The following ADAMTS20 variants were observed in gnomAD, a reference collection of about 807,000 sequenced individuals.
The protein encoded by ADAMTS20 is A disintegrin and metalloproteinase with thrombospondin motifs 20.
Under a neutral mutation model 260.1 loss-of-function variants are expected in ADAMTS20, and 225 were observed. The observed-to-expected ratio is 0.87, with a 90% CI of 0.78 to 0.97. The LOEUF (loss-of-function observed/expected upper bound fraction) is 0.97, where lower values mean the gene tolerates loss of function less well. Ranked by LOEUF, ADAMTS20 falls within the 50% of genes least tolerant of loss-of-function variation. The probability of loss-of-function intolerance (pLI) is 0.00; values close to 1 mark genes in which losing one functional copy is unlikely to be tolerated. For missense variants in ADAMTS20, 2,400 were observed against 2,337.7 expected (o/e 1.03, Z -0.55); for synonymous variants, 802 against 769.5 (o/e 1.04, Z -0.70).
chr12:43,445,991 T>G (rs767948799), intron 15 of ADAMTS20, among the ~76,000 whole-genome samples: 3 of 152,194 alleles, frequency 2.0e-5, no homozygotes, highest in Non-Finnish European at 4.4e-5. Flanking sequence ...TTACATAGTC[T>G]CATGATATTT....
In ADAMTS20 at chr12:43,431,350, T is replaced by C; in HGVS notation, c.3243A>G (p.Gln1081=). Residue 1081 remains glutamine, a synonymous_variant, in exon 22 of 39, where the codon CAA becomes CAG. Coordinates refer to ENST00000389420, the MANE Select transcript of ADAMTS20 (RefSeq NM_025003.5). ...TACTCACAGGACCCCATGGTCCTACTTGCCAGGAAGCACATGTATGAAGTT... is the reference window on the plus strand; with the variant it reads ...TACTCACAGGACCCCATGGTCCTACCTGCCAGGAAGCACATGTATGAAGTT... ...PCELHTCASW[Q]VGPWGPCTTT... is the part of the protein sequence containing the mutation. 6.2e-7 allele frequency: 1 copy of C among 1,613,916 alleles called. No homozygotes were observed.
chr12:43,488,285 C>T (rs1469236502), intron 7 of ADAMTS20, among the ~76,000 whole-genome samples: 1 of 151,994 alleles, frequency 6.6e-6, no homozygotes, highest in Non-Finnish European at 1.5e-5. Flanking sequence ...GGTTAACCAT[C>T]GAGGGGTATG....
At position 43,430,344 on chromosome 12, in the gene ADAMTS20, C is replaced by A; in HGVS notation, c.3381+8G>T. On this transcript the variant is annotated splice_region_variant and intron_variant, in intron 23 of 38. Coordinates refer to ENST00000389420, the MANE Select transcript of ADAMTS20 (RefSeq NM_025003.5). ...ATCTTTTTGTTTGTAAACCATGATTCTTTTTACCTGTCTGTCACTGGGGCG... is the reference window on the plus strand; with the variant it reads ...ATCTTTTTGTTTGTAAACCATGATTATTTTTACCTGTCTGTCACTGGGGCG... 6.2e-7 allele frequency: 1 copy of A among 1,610,044 alleles called. No homozygotes were observed. The highest frequency in any genetic ancestry group is 8.5e-7 in the Non-Finnish European group (1 of 1,178,142).
At chr12:43,506,780 CTTTT>C (rs146293853) in intron 3 of ADAMTS20, among the ~76,000 whole-genome samples, 2 of 141,130 alleles carry the variant, frequency 1.4e-5, no homozygotes, top group Admixed American at 7.0e-5. Flanking sequence ...GCCTGGCCAC[CTTTT>C]TTTTTTTTTT....
At chr12:43,404,772 T>A (rs1156978489) in intron 28 of ADAMTS20, among the ~76,000 whole-genome samples, 1 of 152,156 alleles carries the variant, frequency 6.6e-6, no homozygotes, top group African/African-American at 2.4e-5. Flanking sequence ...TGATATCAAC[T>A]GTAAGTTTTA....
intron 28 of ADAMTS20, 140 bp downstream of exon 28, chr12:43,425,374 T>C: frequency 1.5e-6 from 1 of 685,358 alleles, no homozygotes. Context: ...CACATTTACC[T>C]ATGCAGCAAA....
At chr12:43,363,862 T>C (rs1290594768) in intron 37 of ADAMTS20, among the ~76,000 whole-genome samples, 2 of 152,218 alleles carry the variant, frequency 1.3e-5, no homozygotes, top group African/African-American at 4.8e-5. Flanking sequence ...ATAAGACTAA[T>C]TGAGGCCATG....
At chr12:43,416,425 G>C (rs1273968224) in intron 28 of ADAMTS20, among the ~76,000 whole-genome samples, 2 of 151,324 alleles carry the variant, frequency 1.3e-5, no homozygotes, top group Non-Finnish European at 2.9e-5. Flanking sequence ...TGGTCTTCTT[G>C]ACATGGCCTT....
intron 7 of ADAMTS20, among the ~76,000 whole-genome samples, chr12:43,482,085 C>T (rs992037701): frequency 1.3e-5 from 2 of 152,070 alleles, no homozygotes; most frequent in African/African-American, 4.8e-5. Context: ...TGAGAAGGAA[C>T]GGCATCAGTG....
intron 12 of ADAMTS20, among the ~76,000 whole-genome samples, 183 bp downstream of exon 12, chr12:43,453,724 T>G (rs368321915): frequency 0.098 from 14,484 of 148,002 alleles, 821 homozygotes; most frequent in Middle Eastern, 0.12. Context: ...TCTATTTATG[T>G]TTTTTTTTTT....
chr12:43,458,185 A>T (rs1941999514), intron 11 of ADAMTS20, among the ~76,000 whole-genome samples: 2 of 152,212 alleles, frequency 1.3e-5, no homozygotes, highest in African/African-American at 4.8e-5. Context: ...CCACCCCCCA[A>T]TGGGGACTTC....
intron 8 of ADAMTS20, 81 bp downstream of exon 8, chr12:43,468,519 A>T: frequency 1.2e-6 from 1 of 861,544 alleles, no homozygotes; most frequent in South Asian, 1.5e-5. Context: ...GGTACTAATT[A>T]CTCAACTGAA....
At chr12:43,456,072 A>G (rs1230730386) in intron 11 of ADAMTS20, among the ~76,000 whole-genome samples, 1 of 152,170 alleles carries the variant, frequency 6.6e-6, no homozygotes, top group Non-Finnish European at 1.5e-5. Flanking sequence ...TTCGATTAAT[A>G]ATTTTGTGAG....
Position 43,469,731 on chromosome 12 carries a change from C to T in ADAMTS20, c.1118-1026G>A, listed in dbSNP as rs540830419. Reference sequence around the variant, plus strand: ...TCATTAGCTCCTAGTTTAGCTCTTCCCTGCTATGTCATCTTTTATTCTTAG... The same window carrying T: ...TCATTAGCTCCTAGTTTAGCTCTTCTCTGCTATGTCATCTTTTATTCTTAG... On this transcript the variant is annotated intron_variant, in intron 7 of 38. Coordinates refer to ENST00000389420, the MANE Select transcript of ADAMTS20 (RefSeq NM_025003.5). Among the ~76,000 whole-genome samples, 8 of 152,190 alleles carry T rather than the reference C, an allele frequency of 5.3e-5. No homozygotes were observed. In the South Asian group the frequency reaches 1.7e-3, roughly 32 times the overall value.
chr12:43,471,031 G>A (rs1592086087), intron 7 of ADAMTS20, among the ~76,000 whole-genome samples: 3 of 152,174 alleles, frequency 2.0e-5, no homozygotes, highest in Non-Finnish European at 2.9e-5. Context: ...CCCAGCGTGA[G>A]CGACGCAGAA....
At chr12:43,465,640 A>C (rs1942140189) in intron 9 of ADAMTS20, among the ~76,000 whole-genome samples, 1 of 152,104 alleles carries the variant, frequency 6.6e-6, no homozygotes, top group South Asian at 2.1e-4. Context: ...GTAAGCTTAA[A>C]AATTTCCTTT....
At chr12:43,509,642 A>T (rs1216554103) in intron 3 of ADAMTS20, among the ~76,000 whole-genome samples, 7 of 152,134 alleles carry the variant, frequency 4.6e-5, no homozygotes, top group Admixed American at 4.6e-4. Flanking sequence ...CAAGGAGATG[A>T]CAAACATGGA....
intron 3 of ADAMTS20, among the ~76,000 whole-genome samples, chr12:43,503,721 C>G (rs1323736957): frequency 6.6e-6 from 1 of 152,094 alleles, no homozygotes; most frequent in Non-Finnish European, 1.5e-5. Flanking sequence ...CCTCCTCCCA[C>G]CATCCACCCT....
chr12:43,476,289 T>A (rs1199548384), intron 7 of ADAMTS20, among the ~76,000 whole-genome samples: 2 of 63,062 alleles, frequency 3.2e-5, no homozygotes, highest in East Asian at 0.013. Flanking sequence ...TCAAAACCAC[T>A]ATGAGATATC....
Sources: gnomAD v4.1 joint callset for allele counts (sites outside exome capture counted in the v4.1 genomes callset) on GRCh38, gnomAD v4.1.1 for gene constraint, MANE v1.5 for transcripts, NCBI Gene and HGNC (gene_info 2026-07-23, HGNC 2026-07-21) for gene names.